The following CLUL1 variants were observed in gnomAD, a reference collection of about 807,000 sequenced individuals.
CLUL1 encodes clusterin like 1.
In CLUL1, 43 loss-of-function variants were observed where a neutral mutation model predicts 49.4. The observed-to-expected ratio is 0.87, with a 90% CI of 0.68 to 1.12. CLUL1 has a LOEUF of 1.12. Ranked by LOEUF, CLUL1 falls within the 50% of genes most tolerant of loss-of-function variation. The probability of loss-of-function intolerance (pLI) is 0.00; values close to 1 mark genes in which losing one functional copy is unlikely to be tolerated. For synonymous variants in CLUL1, 192 were observed against 184.9 expected, an observed-to-expected ratio of 1.04 and a Z score of -0.31; for missense variants, 486 against 544.4, an observed-to-expected ratio of 0.89 and a Z score of 1.07.
chr18:627,423 C>A lies in CLUL1; in HGVS notation c.750C>A (p.Asn250Lys), dbSNP rs1170591705. 7 of 1,614,062 alleles carry A rather than the reference C, an allele frequency of 4.3e-6. No homozygotes were observed. Among genetic ancestry groups the A allele is most frequent in the Non-Finnish European group, 5.9e-6 (7 of 1,179,928 alleles). ...TTGAGCAATGTTGGGACATTCCCAA[C>A]TTCTTCCAGCTGTTTTGTAATTTCA... ...ADLEQCWDIP[N>K]FFQLFCNFSV... The change falls in exon 6 of 10, where the codon AAC becomes AAA. Residue 250 changes from asparagine to lysine, a missense_variant. By Grantham distance (94) the Asn-to-Lys change is moderately conservative. Coordinates refer to ENST00000692774, the MANE Select transcript of CLUL1 (RefSeq NM_001393344.1).
intron 7 of CLUL1, among the ~76,000 whole-genome samples, chr18:635,070 T>A (rs1598437482): frequency 6.6e-6 from 1 of 152,120 alleles, no homozygotes; most frequent in East Asian, 1.9e-4. Flanking sequence ...TAGCTAGAGA[T>A]TTGGGGCAAG....
intron 5 of CLUL1, 98 bp downstream of exon 5, chr18:625,130 C>A: frequency 1.6e-6 from 2 of 1,233,276 alleles, no homozygotes; most frequent in Non-Finnish European, 1.1e-6. Context: ...ACGGAGATGC[C>A]TGATCTGATA....
intron 2 of CLUL1, among the ~76,000 whole-genome samples, chr18:611,156 C>A (rs1003215634): frequency 6.6e-6 from 1 of 151,980 alleles, no homozygotes; most frequent in South Asian, 2.1e-4. Context: ...CAGGGAGAGC[C>A]CTGTGCCACC....
At chr18:645,780 C>T (rs2074461475) in intron 9 of CLUL1, among the ~76,000 whole-genome samples, 1 of 79,962 alleles carries the variant, frequency 1.3e-5, no homozygotes. Context: ...GGCGACAGAG[C>T]GAGACTCTGT....
At chr18:621,897 CAAA>C (rs2073498043) in intron 4 of CLUL1, among the ~76,000 whole-genome samples, 1 of 152,104 alleles carries the variant, frequency 6.6e-6, no homozygotes, top group Non-Finnish European at 1.5e-5. Flanking sequence ...GTCAAGTAAG[CAAA>C]TGTGGATTTC....
At position 640,194 on chromosome 18, in the gene CLUL1, A is replaced by G. The variant is rs897030539; in HGVS notation, c.995-1133A>G. 3.3e-5 allele frequency among the ~76,000 whole-genome samples: 5 copies of G among 152,208 alleles called. No individual in the cohort carries two copies. In the East Asian group the frequency reaches 9.7e-4, roughly 29 times the overall value. Reference sequence around the variant, plus strand: ...TGGACCCCTTAGACAATAATTTAGTATGACATTGAGAGGACACGCAAGCCT... The same window carrying G: ...TGGACCCCTTAGACAATAATTTAGTGTGACATTGAGAGGACACGCAAGCCT... On this transcript the variant is annotated intron_variant, in intron 7 of 9. Transcript: ENST00000692774.
chr18:641,523 C>A lies in CLUL1; in HGVS notation c.1191C>A (p.Ile397=), dbSNP rs750562035. 2 of 1,614,088 alleles carry A rather than the reference C, an allele frequency of 1.2e-6. No individual in the cohort carries two copies. Among genetic ancestry groups the A allele is most frequent in the Non-Finnish European group, 8.5e-7 (1 of 1,180,006 alleles). Residue 397 remains isoleucine (I), a synonymous_variant, in exon 8 of 10, where the codon ATC becomes ATA. Transcript: ENST00000692774. ...CAAACCAGGCCCCAGAAACAGAGAT[C>A]ATCTTTAATTCAATACAGGTAAAGG... ...ELANQAPETE[I]IFNSIQVVPR... is the part of the protein sequence containing the mutation.
chr18:642,239 TG>T (rs927730584), intron 8 of CLUL1, among the ~76,000 whole-genome samples: 14 of 152,164 alleles, frequency 9.2e-5, no homozygotes, highest in African/African-American at 3.4e-4. Context: ...GAGACCAGCC[TG>T]GCTAATGTGG....
chr18:639,364 G>T (rs1194118025), intron 7 of CLUL1, among the ~76,000 whole-genome samples: 3 of 145,676 alleles, frequency 2.1e-5, no homozygotes, highest in Non-Finnish European at 4.5e-5. Flanking sequence ...CCAGGAGGCA[G>T]AGGTTGCAGT....
chr18:598,271 C>G (rs2072715315), intron 1 of CLUL1: 1 of 329,078 alleles, frequency 3.0e-6, no homozygotes, highest in Non-Finnish European at 5.5e-6. Context: ...AGAGGACATG[C>G]TGGAATGTGG....
chr18:611,902 G>A (rs753883213), intron 2 of CLUL1, among the ~76,000 whole-genome samples: 3 of 151,542 alleles, frequency 2.0e-5, no homozygotes, highest in Non-Finnish European at 4.4e-5. Context: ...GCCAGCCAAT[G>A]GCCCCCACTA....
intron 9 of CLUL1, 107 bp downstream of exon 9, chr18:645,204 A>G (rs2074440382): frequency 2.5e-6 from 2 of 789,370 alleles, no homozygotes; most frequent in South Asian, 3.0e-5. Context: ...GTTTAACCTC[A>G]TTAATAAAGA....
rs369365168 is a variant in CLUL1, at chr18:633,428, A to G, written c.987A>G (p.Leu329=). 6.2e-7 allele frequency: 1 copy of G among 1,612,792 alleles called. No homozygotes were observed. Among genetic ancestry groups the G allele is most frequent in the African/African-American group, 1.3e-5 (1 of 74,910 alleles). The change falls in exon 7 of 10, where the codon CTA becomes CTG. Residue 329 remains leucine, a synonymous_variant. Transcript: ENST00000692774. ...AATGCCAAAAATGTCAGGCTCACCT[A>G]TCTGAAGGTAAATAATTGCTATTTT... is the stretch of plus-strand genomic sequence containing the variant. ...HEKCQKCQAH[L]SEDCPDVPAL... is the part of the protein sequence containing the mutation.
intron 2 of CLUL1, among the ~76,000 whole-genome samples, chr18:609,815 C>G (rs922992934): frequency 1.3e-4 from 13 of 99,140 alleles, no homozygotes; most frequent in African/African-American, 5.0e-4. Context: ...CAAAGCGAGA[C>G]TCTGTCTCAA....
At chr18:605,406 T>C (rs545887701) in intron 1 of CLUL1, among the ~76,000 whole-genome samples, 1 of 152,188 alleles carries the variant, frequency 6.6e-6, no homozygotes, top group Admixed American at 6.5e-5. Context: ...GGTGGGTGGA[T>C]TGCTTGAGCC....
At chr18:636,624 C>CTTTTTTTTTTTTTTTTTTTTTTTTTTTTT (rs68150473) in intron 7 of CLUL1, among the ~76,000 whole-genome samples, 1 of 122,066 alleles carries the variant, frequency 8.2e-6, no homozygotes, top group Non-Finnish European at 1.7e-5. Flanking sequence ...CCCTTTCTCT[C>CTTTTTTTTTTTTTTTTTTTTTTTTTTTTT]TTTTTTTTTT....
chr18:607,409 G>A (rs529132176), intron 2 of CLUL1, among the ~76,000 whole-genome samples: 291 of 152,236 alleles, frequency 1.9e-3, no homozygotes, highest in African/African-American at 4.2e-3. Context: ...GATTACAGGC[G>A]TGAGCCACTA....
At chr18:638,824 C>T (rs2074237642) in intron 7 of CLUL1, among the ~76,000 whole-genome samples, 1 of 151,818 alleles carries the variant, frequency 6.6e-6, no homozygotes, top group Non-Finnish European at 1.5e-5. Flanking sequence ...AGCAACTGCA[C>T]TCCAGCCTAG....
chr18:619,007 G>T (rs562138968), intron 3 of CLUL1, among the ~76,000 whole-genome samples: 2 of 152,142 alleles, frequency 1.3e-5, no homozygotes, highest in African/African-American at 4.8e-5. Flanking sequence ...TTGTTTAGGC[G>T]CTCACAAGTG....
Sources: allele counts gnomAD v4.1 joint callset (sites outside exome capture counted in the v4.1 genomes callset), GRCh38; gene constraint gnomAD v4.1.1; transcripts MANE v1.5; gene names NCBI Gene and HGNC (gene_info 2026-07-23, HGNC 2026-07-21).